Variants in TRIM29 observed in about 807,000 individuals in gnomAD.
The protein encoded by TRIM29 is tripartite motif containing 29.
In TRIM29, 52 loss-of-function variants were observed where a neutral mutation model predicts 57.3. That is an observed-to-expected ratio of 0.91 (90% CI 0.73 to 1.14). TRIM29 has a LOEUF of 1.14. Ranked by LOEUF, TRIM29 falls within the 50% of genes most tolerant of loss-of-function variation. The pLI is 0.00. For missense variants in TRIM29, 753 were observed against 774.6 expected, an observed-to-expected ratio of 0.97 and a Z score of 0.33; for synonymous variants, 319 against 316.9, an observed-to-expected ratio of 1.01 and a Z score of -0.07.
In TRIM29 at chr11:120,128,639, C is replaced by T. The variant is rs1863653247; in HGVS notation, c.805-144G>A. On this transcript the variant is annotated intron_variant, in intron 1 of 8. Transcript: ENST00000341846. Reference sequence around the variant, plus strand: ...TTCAGCTCTTCATTCAGCAAACATTCATCAGGACCTCGGATATGCCAGGCA... The same window carrying T: ...TTCAGCTCTTCATTCAGCAAACATTTATCAGGACCTCGGATATGCCAGGCA... The T allele has an allele frequency of 3.3e-6, 5 of 1,526,428 alleles. No homozygotes were observed. The East Asian group carries it at 1.2e-4, about 37-fold the overall frequency. The allele number at this position is 1,526,428 out of a possible 1,614,324, so 94.6% of individuals were successfully genotyped here.
intron 1 of TRIM29, among the ~76,000 whole-genome samples, chr11:120,136,796 A>C (rs199965878): frequency 6.6e-6 from 1 of 150,890 alleles, no homozygotes; most frequent in African/African-American, 2.4e-5. Flanking sequence ...AAGCAAAAAA[A>C]AAAAAAAATA....
At chr11:120,119,133 G>A (rs1381449686) in intron 6 of TRIM29, among the ~76,000 whole-genome samples, 1 of 152,190 alleles carries the variant, frequency 6.6e-6, no homozygotes, top group Non-Finnish European at 1.5e-5. Flanking sequence ...GCTAACACAT[G>A]CCTATGTGCA....
intron 5 of TRIM29, chr11:120,121,499 C>T (rs1187896301): frequency 1.9e-5 from 3 of 155,426 alleles, no homozygotes; most frequent in African/African-American, 7.2e-5. Flanking sequence ...TCCTGTCCCT[C>T]CTGTCCTCGG....
At chr11:120,118,460 C>A (rs576271808) in intron 6 of TRIM29, 139 bp from the exon 7 acceptor site, 1 of 622,862 alleles carries the variant, frequency 1.6e-6, no homozygotes. Flanking sequence ...ATCCCAGTGA[C>A]GCCTCACCCC....
intron 6 of TRIM29, among the ~76,000 whole-genome samples, chr11:120,119,515 A>G (rs1156995973): frequency 6.6e-6 from 1 of 152,158 alleles, no homozygotes; most frequent in Admixed American, 6.5e-5. Flanking sequence ...CTGTTCACTC[A>G]TGCCTTTAGC....
chr11:120,133,859 C>T (rs1303631945), intron 1 of TRIM29, among the ~76,000 whole-genome samples: 1 of 152,132 alleles, frequency 6.6e-6, no homozygotes, highest in East Asian at 1.9e-4. Context: ...GAGGCTAAGC[C>T]TCTCCAAAGC....
chr11:120,120,776 G>C (rs774899957), intron 5 of TRIM29, 111 bp from the exon 6 acceptor site: 1 of 867,670 alleles, frequency 1.2e-6, no homozygotes, highest in Non-Finnish European at 1.9e-6. Context: ...CCACCACTGA[G>C]AGAAGTCCTT....
In TRIM29 at chr11:120,112,135, C is replaced by A. The variant is rs1234973429; in HGVS notation, c.*279G>T. ...GAGGAGGCTGGCGGGTTAGGGCAGGCCCCAACCTATCTCACCCCTGTGATG... is the reference window on the plus strand; with the variant it reads ...GAGGAGGCTGGCGGGTTAGGGCAGGACCCAACCTATCTCACCCCTGTGATG... On this transcript the variant is annotated 3_prime_UTR_variant, in exon 9 of 9. Coordinates refer to ENST00000341846, the MANE Select transcript of TRIM29 (RefSeq NM_012101.4). The A allele has an allele frequency of 4.8e-6, 2 of 418,242 alleles. No individual in the cohort carries two copies. Among genetic ancestry groups the A allele is most frequent in the Admixed American group, 4.2e-5 (1 of 23,652 alleles). 25.9% of individuals were successfully genotyped at this position (418,242 alleles called of 1,614,324 possible).
At chr11:120,128,350 C>T (rs1257898863) in intron 2 of TRIM29, 50 bp downstream of exon 2, 2 of 1,564,186 alleles carry the variant, frequency 1.3e-6, no homozygotes, top group Non-Finnish European at 1.7e-6. Context: ...TCTTTCCAGG[C>T]AGGCCAGGTC....
chr11:120,128,287 C>T (rs992150041), intron 2 of TRIM29, 113 bp downstream of exon 2: 1 of 824,286 alleles, frequency 1.2e-6, no homozygotes, highest in African/African-American at 1.7e-5. Context: ...CCAGAAGAAA[C>T]ATATTGGGAT....
At position 120,137,918 on chromosome 11, in the gene TRIM29, C is replaced by T; in HGVS notation, c.114G>A (p.Lys38=). The change falls in exon 1 of 9, where the codon AAG becomes AAA. Residue 38 remains lysine (K), a synonymous_variant. Transcript: ENST00000341846. This position sits in a 1 kb window ranked among gnomAD's most constrained non-coding sequence, Gnocchi z 6.2. The part of the protein sequence containing the change: ...SLENGTKADG[K]DAKTTNGHGG... ...CGTGCCCGTTGGTGGTCTTGGCATC[C>T]TTGCCGTCAGCCTTGGTGCCATTCT... is the stretch of plus-strand genomic sequence containing the variant. 2 of 1,610,104 alleles carry T rather than the reference C, an allele frequency of 1.2e-6. No individual in the cohort carries two copies. The highest frequency in any genetic ancestry group is 1.7e-6 in the Non-Finnish European group (2 of 1,180,016).
chr11:120,128,260 A>G (rs1863640202), intron 2 of TRIM29, 140 bp downstream of exon 2: 2 of 676,130 alleles, frequency 3.0e-6, no homozygotes, highest in Admixed American at 5.4e-5. Context: ...TGAGAATGTC[A>G]GAGGAGGTGG....
chr11:120,127,659 A>G (rs773192736), intron 2 of TRIM29, 90 bp from the exon 3 acceptor site: 65 of 1,230,498 alleles, frequency 5.3e-5, no homozygotes, highest in Non-Finnish European at 7.1e-5. Flanking sequence ...GGTTTCCAGC[A>G]CAGGATCAGG....
intron 6 of TRIM29, among the ~76,000 whole-genome samples, chr11:120,119,390 G>T (rs970931341): frequency 2.6e-5 from 4 of 152,136 alleles, no homozygotes; most frequent in Non-Finnish European, 5.9e-5. Flanking sequence ...GATGGCTGGG[G>T]TTGGCCACCT....
chr11:120,127,627 A>T, intron 2 of TRIM29, 58 bp from the exon 3 acceptor site: 1 of 1,492,048 alleles, frequency 6.7e-7, no homozygotes. Context: ...GAAAGAAATC[A>T]CCCTAGTCGG....
chr11:120,128,291 T>A, intron 2 of TRIM29, 109 bp downstream of exon 2: 1 of 847,594 alleles, frequency 1.2e-6, no homozygotes, highest in South Asian at 1.6e-5. Flanking sequence ...AAGAAACATA[T>A]TGGGATGTCT....
At chr11:120,126,258 C>CTT (rs35133292) in intron 3 of TRIM29, 102 of 152,780 alleles carry the variant, frequency 6.7e-4, no homozygotes, top group Admixed American at 1.7e-3. Flanking sequence ...TTCTTTCTTT[C>CTT]TTTTTTTTTT....
In TRIM29 at chr11:120,138,074, A is replaced by G; in HGVS notation, c.-43T>C. On this transcript the variant is annotated 5_prime_UTR_variant, in exon 1 of 9. Transcript: ENST00000341846. The stretch of plus-strand genomic sequence containing the variant: ...AGCTGTTTCAGGCTTGCTGGGGTTC[A>G]GGATAGGTGACCTTTCTGGCAGGCG... 1 of 1,519,416 alleles carries G rather than the reference A, an allele frequency of 6.6e-7. No individual in the cohort carries two copies. 94.1% of individuals were successfully genotyped at this position (1,519,416 alleles called of 1,614,324 possible). A position where few individuals can be genotyped will look rare whatever the true frequency, so the allele number is the denominator to read the frequency against.
At chr11:120,136,651 A>C (rs1863819319) in intron 1 of TRIM29, among the ~76,000 whole-genome samples, 1 of 152,168 alleles carries the variant, frequency 6.6e-6, no homozygotes, top group Non-Finnish European at 1.5e-5. Context: ...ACTGTACGAC[A>C]ATAAAAACTA....
Sources: gnomAD v4.1 joint callset for allele counts (sites outside exome capture counted in the v4.1 genomes callset) on GRCh38, gnomAD v4.1.1 for gene constraint, Gnocchi (gnomAD v3.1) non-coding constraint, MANE v1.5 for transcripts, NCBI Gene and HGNC (gene_info 2026-07-23, HGNC 2026-07-21) for gene names.